CSMD1: variants seen among roughly 807,000 people sequenced by gnomAD.
CSMD1 encodes CUB and sushi domain-containing protein 1.
A neutral mutation model predicts 417.5 loss-of-function variants in CSMD1; 213 were observed. That is an observed-to-expected ratio of 0.51 (90% CI 0.46 to 0.57). The LOEUF is 0.57. Among genes scored for constraint, CSMD1 ranks in the 20% least tolerant of loss-of-function variants. The pLI, the probability that CSMD1 is intolerant of heterozygous loss-of-function variation, is 0.00. For missense variants in CSMD1, 6,923 were observed against 4,529.7 expected (o/e 1.53, Z -15.17); for synonymous variants, 2,862 against 1,736.8 (o/e 1.65, Z -16.11).
At chr8:3,144,574 T>A (rs1034902793) in intron 40 of CSMD1, among the ~76,000 whole-genome samples, 2 of 152,072 alleles carry the variant, frequency 1.3e-5, no homozygotes, top group African/African-American at 2.4e-5. Flanking sequence ...GGACCTGTGA[T>A]GGTCTTGGCC....
intron 10 of CSMD1, among the ~76,000 whole-genome samples, chr8:3,529,855 A>T (rs1797904813): frequency 6.6e-6 from 1 of 152,168 alleles, no homozygotes; most frequent in Non-Finnish European, 1.5e-5. Context: ...TTGGACAATA[A>T]ATTAATTATA....
At chr8:4,490,985 T>A (rs1801669202) in intron 2 of CSMD1, among the ~76,000 whole-genome samples, 1 of 152,040 alleles carries the variant, frequency 6.6e-6, no homozygotes, top group Non-Finnish European at 1.5e-5. Context: ...AGGGAGGAGT[T>A]CACAGGCTCA....
intron 51 of CSMD1, among the ~76,000 whole-genome samples, chr8:3,020,170 T>C (rs149718007): frequency 2.4e-4 from 37 of 152,320 alleles, no homozygotes; most frequent in African/African-American, 8.4e-4. Context: ...GGGTTGATAA[T>C]AGCTCCTACT....
intron 1 of CSMD1, among the ~76,000 whole-genome samples, chr8:4,651,005 G>C (rs961216158): frequency 2.0e-5 from 3 of 152,152 alleles, no homozygotes; most frequent in East Asian, 3.9e-4. Flanking sequence ...TGGACTTAGA[G>C]ACAAGGGACC....
At chr8:3,628,244 A>T (rs532057876) in intron 7 of CSMD1, among the ~76,000 whole-genome samples, 113 of 152,190 alleles carry the variant, frequency 7.4e-4, no homozygotes, top group Non-Finnish European at 1.3e-3. Context: ...CTCTACAATG[A>T]GAATAGTTCT....
chr8:3,137,151 T>C (rs1037156947), intron 41 of CSMD1, among the ~76,000 whole-genome samples: 5 of 152,208 alleles, frequency 3.3e-5, no homozygotes, highest in African/African-American at 7.2e-5. Context: ...GGACATATTA[T>C]TGTTGACTAC....
intron 11 of CSMD1, among the ~76,000 whole-genome samples, chr8:3,489,885 C>A (rs894651701): frequency 1.3e-5 from 2 of 152,164 alleles, no homozygotes; most frequent in Non-Finnish European, 2.9e-5. Flanking sequence ...GAATGCCAGT[C>A]TGCCATGAAG....
rs372659937 is a variant in CSMD1, at chr8:4,411,310, C to G, written c.415+8643G>C. 3.9e-5 allele frequency among the ~76,000 whole-genome samples: 6 copies of G among 151,962 alleles called. No homozygotes were observed. The East Asian group carries it at 9.7e-4, about 24-fold the overall frequency. On this transcript the variant is annotated intron_variant, in intron 3 of 69. Transcript: ENST00000635120. ...TGCCCTTTACTATATTCCTTTTAGACAAGTAACTATTTCTGTGAGTGGATT... is the reference window on the plus strand; with the variant it reads ...TGCCCTTTACTATATTCCTTTTAGAGAAGTAACTATTTCTGTGAGTGGATT...
chr8:4,749,381 C>A (rs1563285620), intron 1 of CSMD1, among the ~76,000 whole-genome samples: 1 of 152,136 alleles, frequency 6.6e-6, no homozygotes, highest in Non-Finnish European at 1.5e-5. Context: ...GCTAAGCGGT[C>A]CTTGATAGTG....
chr8:4,650,511 G>C (rs1355261197), intron 1 of CSMD1, among the ~76,000 whole-genome samples: 1 of 152,086 alleles, frequency 6.6e-6, no homozygotes, highest in East Asian at 1.9e-4. Flanking sequence ...CCTGGCTTCT[G>C]CCTCTTATTT....
At chr8:3,824,555 G>A (rs1015936686) in intron 5 of CSMD1, among the ~76,000 whole-genome samples, 1 of 152,168 alleles carries the variant, frequency 6.6e-6, no homozygotes, top group African/African-American at 2.4e-5. Context: ...TGCACTGCAA[G>A]GGCAAAATAC....
intron 12 of CSMD1, among the ~76,000 whole-genome samples, chr8:3,458,432 C>G (rs986558412): frequency 6.6e-6 from 1 of 152,136 alleles, no homozygotes; most frequent in Admixed American, 6.5e-5. Context: ...TGATATTTTT[C>G]TTAAAGTTAA....
At chr8:4,661,478 G>C (rs1804603451) in intron 1 of CSMD1, among the ~76,000 whole-genome samples, 2 of 152,134 alleles carry the variant, frequency 1.3e-5, no homozygotes, top group African/African-American at 4.8e-5. Flanking sequence ...ATTGCTATGG[G>C]TTAGGCGGTG....
chr8:4,965,036 C>T (rs114355142), intron 1 of CSMD1, among the ~76,000 whole-genome samples: 1 of 152,136 alleles, frequency 6.6e-6, no homozygotes, highest in Non-Finnish European at 1.5e-5. Context: ...CGTTGCTTTA[C>T]TTTAAAGAAG....
chr8:4,119,102 C>T (rs896931125), intron 3 of CSMD1, among the ~76,000 whole-genome samples: 3 of 151,860 alleles, frequency 2.0e-5, no homozygotes, highest in African/African-American at 7.3e-5. Context: ...TGGGTGGGGA[C>T]AAGAGAAGGG....
intron 1 of CSMD1, among the ~76,000 whole-genome samples, chr8:4,647,994 G>A (rs1803645405): frequency 6.6e-6 from 1 of 152,194 alleles, no homozygotes; most frequent in Non-Finnish European, 1.5e-5. Context: ...CTGCCACACT[G>A]TCTTCCTCAG....
At chr8:4,889,858 T>C (rs944045686) in intron 1 of CSMD1, among the ~76,000 whole-genome samples, 9 of 152,142 alleles carry the variant, frequency 5.9e-5, no homozygotes, top group Admixed American at 2.0e-4. Flanking sequence ...TTTGTATTTA[T>C]TGATGATGAA....
At chr8:3,408,339 T>C (rs751203278) in intron 13 of CSMD1, 114 bp from the exon 14 acceptor site, 29 of 691,746 alleles carry the variant, frequency 4.2e-5, no homozygotes, top group African/African-American at 9.0e-5. Flanking sequence ...ATAGCTATGA[T>C]GATCCAACTA....
At chr8:3,054,489 A>C (rs1812081061) in intron 49 of CSMD1, among the ~76,000 whole-genome samples, 1 of 152,168 alleles carries the variant, frequency 6.6e-6, no homozygotes, top group Non-Finnish European at 1.5e-5. Context: ...GTGGTGGCAC[A>C]CACCTGTTGT....
Sources: allele counts gnomAD v4.1 joint callset (sites outside exome capture counted in the v4.1 genomes callset), GRCh38; gene constraint gnomAD v4.1.1; transcripts MANE v1.5; gene names NCBI Gene and HGNC (gene_info 2026-07-23, HGNC 2026-07-21).